FNDC3A: variants seen among roughly 807,000 people sequenced by gnomAD.
FNDC3A encodes the protein fibronectin type III domain containing 3A.
In FNDC3A, 32 loss-of-function variants were observed where a neutral mutation model predicts 148.9. The observed-to-expected ratio is 0.21, with a 90% CI of 0.16 to 0.29. The LOEUF (loss-of-function observed/expected upper bound fraction) is 0.29. Ranked by LOEUF, FNDC3A falls within the 10% of genes least tolerant of loss-of-function variation. FNDC3A has a pLI of 1.00. For missense variants in FNDC3A, 1,191 were observed against 1,452.8 expected (o/e 0.82, Z 2.93); for synonymous variants, 472 against 473.6 (o/e 1.00, Z 0.04).
chr13:49,159,767 T>C (rs1883969947), intron 8 of FNDC3A, among the ~76,000 whole-genome samples: 1 of 152,138 alleles, frequency 6.6e-6, no homozygotes, highest in Non-Finnish European at 1.5e-5. Context: ...GTCAAATAGC[T>C]CTTATTATTT....
At chr13:48,980,577 A>C (rs543068921) in intron 1 of FNDC3A, among the ~76,000 whole-genome samples, 1 of 152,308 alleles carries the variant, frequency 6.6e-6, no homozygotes, top group East Asian at 1.9e-4. Flanking sequence ...AGATTTTTTT[A>C]AGATAAGTTA....
At chr13:48,978,086 C>T (rs1228265373) in intron 1 of FNDC3A, among the ~76,000 whole-genome samples, 1 of 152,056 alleles carries the variant, frequency 6.6e-6, no homozygotes, top group Non-Finnish European at 1.5e-5. Flanking sequence ...AAAAAACATT[C>T]TAGGATTATC....
chr13:49,134,801 CTTTTTT>C (rs528015993), intron 5 of FNDC3A, among the ~76,000 whole-genome samples: 1 of 6,178 alleles, frequency 1.6e-4, no homozygotes, highest in Non-Finnish European at 2.6e-4. Flanking sequence ...TTTTCTTTTC[CTTTTTT>C]TTTTTTTTTT....
chr13:49,203,986 C>T lies in FNDC3A; in HGVS notation c.3282+702C>T, dbSNP rs958898315. On this transcript the variant is annotated intron_variant, in intron 25 of 25. Coordinates refer to ENST00000492622, the MANE Select transcript of FNDC3A (RefSeq NM_001079673.2). ...TGGAGGATTTTGACCAGGGTATTCA[C>T]GTGATCAGACACAACGTTGTTTTGA... 2.0e-5 allele frequency among the ~76,000 whole-genome samples: 3 copies of T among 152,220 alleles called. No individual in the cohort carries two copies. The East Asian group carries it at 5.8e-4, about 29-fold the overall frequency.
intron 1 of FNDC3A, among the ~76,000 whole-genome samples, chr13:48,982,830 A>C (rs975559569): frequency 1.3e-5 from 2 of 152,216 alleles, no homozygotes; most frequent in Admixed American, 6.5e-5. Flanking sequence ...GTATAGAAAC[A>C]TGAGTGTGCT....
At chr13:49,043,802 T>C (rs1384040440) in intron 2 of FNDC3A, among the ~76,000 whole-genome samples, 1 of 152,190 alleles carries the variant, frequency 6.6e-6, no homozygotes. Flanking sequence ...TTCAGCATAA[T>C]GATCAAGCAT....
rs140833147 is a variant in FNDC3A, at chr13:49,029,049, C to T, written c.99+22760C>T. Among the ~76,000 whole-genome samples the T allele has an allele frequency of 2.0e-5, 3 of 152,296 alleles. No individual in the cohort carries two copies. In the East Asian group the frequency reaches 5.8e-4, roughly 29 times the overall value. ...AGTGCAGTGACATAATCATGGCCCA[C>T]TGCAGCCTTTGCCTCCTGAGCTCAA... On this transcript the variant is annotated intron_variant, in intron 2 of 25. Transcript: ENST00000492622.
At chr13:49,003,830 A>G (rs1282608687) in intron 1 of FNDC3A, among the ~76,000 whole-genome samples, 1 of 152,208 alleles carries the variant, frequency 6.6e-6, no homozygotes, top group Non-Finnish European at 1.5e-5. Flanking sequence ...GCAACTGTTT[A>G]TTTAATGTAT....
Position 49,075,337 on chromosome 13 carries a change from G to A in FNDC3A, c.148G>A (p.Glu50Lys). Residue 50 changes from glutamate to lysine, a missense_variant, in exon 3 of 26, where the codon GAA becomes AAA. Physicochemically the swap from Glu to Lys is moderately conservative, Grantham distance 56. This residue lies in a region of FNDC3A where 426 missense variants were observed against 473.2 expected (regional missense o/e 0.90). Transcript: ENST00000492622. Reference protein sequence around the residue: ...NPGEAFTIRREDGQFQCITGP... With the variant: ...NPGEAFTIRRKDGQFQCITGP... ...AGGAGAAGCATTTACAATAAGAAGA[G>A]AAGATGGACAGTTTCAGTGCATTAC... 1 of 1,604,174 alleles carries A rather than the reference G, an allele frequency of 6.2e-7. No homozygotes were observed. Among genetic ancestry groups the A allele is most frequent in the Non-Finnish European group, 8.5e-7 (1 of 1,171,562 alleles).
chr13:49,117,604 G>GA (rs200685612), intron 4 of FNDC3A, among the ~76,000 whole-genome samples: 1,834 of 148,498 alleles, frequency 0.012, 25 homozygotes, highest in African/African-American at 0.033. Flanking sequence ...GAAAATATTT[G>GA]AAAAAAAAAA....
At chr13:49,178,356 C>T (rs1181621465) in intron 13 of FNDC3A, among the ~76,000 whole-genome samples, 1 of 152,168 alleles carries the variant, frequency 6.6e-6, no homozygotes, top group Non-Finnish European at 1.5e-5. Context: ...GACTAAGTGG[C>T]CTGCTTCATC....
chr13:49,073,257 C>A (rs974466507), intron 2 of FNDC3A, among the ~76,000 whole-genome samples: 4 of 152,094 alleles, frequency 2.6e-5, no homozygotes, highest in Non-Finnish European at 4.4e-5. Flanking sequence ...TATTATTATT[C>A]TTAATATGCA....
At chr13:48,978,301 C>G (rs902639357) in intron 1 of FNDC3A, among the ~76,000 whole-genome samples, 1 of 152,016 alleles carries the variant, frequency 6.6e-6, no homozygotes, top group Non-Finnish European at 1.5e-5. Context: ...TCCTTAACCC[C>G]CCGAAAAAAA....
intron 2 of FNDC3A, among the ~76,000 whole-genome samples, chr13:49,032,411 G>A (rs1326144512): frequency 6.6e-6 from 1 of 152,166 alleles, no homozygotes; most frequent in Non-Finnish European, 1.5e-5. Context: ...ACAAAATATG[G>A]TATATCAGTA....
At chr13:49,016,309 A>C (rs1224951452) in intron 2 of FNDC3A, among the ~76,000 whole-genome samples, 8 of 152,150 alleles carry the variant, frequency 5.3e-5, no homozygotes, top group African/African-American at 1.9e-4. Flanking sequence ...CAGAGATTCA[A>C]CTTCTTCCTG....
intron 7 of FNDC3A, 27 bp downstream of exon 7, chr13:49,138,832 G>T: frequency 2.4e-6 from 3 of 1,240,176 alleles, no homozygotes; most frequent in East Asian, 4.7e-5. Context: ...TTTTATTGAT[G>T]TTTATATTTA....
At chr13:49,089,438 A>G (rs1469766334) in intron 3 of FNDC3A, among the ~76,000 whole-genome samples, 2 of 152,336 alleles carry the variant, frequency 1.3e-5, no homozygotes, top group East Asian at 3.9e-4. Context: ...GACTTTTAAG[A>G]AAGAGAGATT....
chr13:49,144,026 C>A (rs1213063370), intron 7 of FNDC3A, among the ~76,000 whole-genome samples: 5 of 149,824 alleles, frequency 3.3e-5, no homozygotes, highest in South Asian at 2.1e-4. Flanking sequence ...ACTACTACTA[C>A]TACTACTAAT....
chr13:49,013,492 A>G (rs1041723869), intron 2 of FNDC3A, among the ~76,000 whole-genome samples: 1 of 151,788 alleles, frequency 6.6e-6, no homozygotes, highest in African/African-American at 2.4e-5. Context: ...ACATGTATAT[A>G]CATGTACATG....
Sources: gnomAD v4.1 joint callset for allele counts (sites outside exome capture counted in the v4.1 genomes callset) on GRCh38, gnomAD v4.1.1 for gene constraint, gnomAD v4.1.1 regional missense constraint, MANE v1.5 for transcripts, NCBI Gene and HGNC (gene_info 2026-07-23, HGNC 2026-07-21) for gene names.